The following STARD9 variants were observed in gnomAD, a reference collection of about 807,000 sequenced individuals.
The protein encoded by STARD9 is StAR related lipid transfer domain containing 9, also known as stAR-related lipid transfer protein 9.
A neutral mutation model predicts 399.8 loss-of-function variants in STARD9; 346 were observed. The observed-to-expected ratio is 0.87, with a 90% CI of 0.79 to 0.95. The LOEUF (loss-of-function observed/expected upper bound fraction) is 0.95. Ranked by LOEUF, STARD9 falls within the 40% of genes least tolerant of loss-of-function variation. The pLI is 0.00. For synonymous variants in STARD9, 2,203 were observed against 2,143.5 expected (o/e 1.03, Z -0.77); for missense variants, 5,832 against 5,667.5 (o/e 1.03, Z -0.93).
At position 42,689,098 on chromosome 15, in the gene STARD9, A is replaced by G. The variant is rs541506818; in HGVS notation, c.7520A>G (p.Lys2507Arg). 3.9e-5 allele frequency: 60 copies of G among 1,537,310 alleles called. No homozygotes were observed. The East Asian group carries it at 1.4e-3, about 37-fold the overall frequency. The change falls in exon 23 of 33, where the codon AAG (lysine) becomes AGG (arginine). Residue 2507 changes from lysine (K) to arginine (R), a missense_variant. Physicochemically the swap from Lys to Arg is conservative, Grantham distance 26. Coordinates refer to ENST00000290607, the MANE Select transcript of STARD9 (RefSeq NM_020759.3). ...DSDQASKPRQ[K>R]AEKETEDVGL... ...GACCAAGCCAGCAAGCCAAGGCAGAAGGCAGAGAAGGAGACTGAGGACGTC... is the reference window on the plus strand; with the variant it reads ...GACCAAGCCAGCAAGCCAAGGCAGAGGGCAGAGAAGGAGACTGAGGACGTC...
intron 25 of STARD9, among the ~76,000 whole-genome samples, 152 bp from the exon 26 acceptor site, chr15:42,695,591 G>C (rs978061654): frequency 3.3e-5 from 5 of 152,210 alleles, no homozygotes; most frequent in African/African-American, 7.2e-5. Flanking sequence ...AGGAAGCCAG[G>C]GCATGTGAGG....
At chr15:42,716,285 A>T (rs1440855518) in intron 26 of STARD9, among the ~76,000 whole-genome samples, 1 of 151,964 alleles carries the variant, frequency 6.6e-6, no homozygotes, top group Non-Finnish European at 1.5e-5. Context: ...CATCTTCCAC[A>T]TTTATTACCC....
intron 3 of STARD9, among the ~76,000 whole-genome samples, chr15:42,597,605 C>T (rs1267320176): frequency 1.3e-5 from 2 of 152,012 alleles, no homozygotes; most frequent in Non-Finnish European, 2.9e-5. Flanking sequence ...GGCACGATCT[C>T]GGCTCACTGC....
intron 20 of STARD9, among the ~76,000 whole-genome samples, chr15:42,677,178 C>T (rs890787433): frequency 1.4e-5 from 2 of 145,714 alleles, no homozygotes; most frequent in Non-Finnish European, 3.0e-5. Flanking sequence ...GCAGGAGAAT[C>T]ACTTGAACCC....
At chr15:42,621,308 A>G (rs1189487215) in intron 3 of STARD9, among the ~76,000 whole-genome samples, 1 of 152,142 alleles carries the variant, frequency 6.6e-6, no homozygotes. Flanking sequence ...TATATCTGTG[A>G]TCCATGGTTA....
chr15:42,650,106 G>A (rs768814969), intron 7 of STARD9, among the ~76,000 whole-genome samples: 3 of 151,338 alleles, frequency 2.0e-5, no homozygotes, highest in Admixed American at 1.3e-4. Flanking sequence ...CCTCAGGCCC[G>A]CCCGCCTCGG....
chr15:42,695,709 CAG>C, intron 25 of STARD9, 32 bp from the exon 26 acceptor site: 5 of 1,527,158 alleles, frequency 3.3e-6, no homozygotes, highest in Non-Finnish European at 4.4e-6. Context: ...GAGGGTGCAT[CAG>C]AAGCTGGTTA....
At chr15:42,671,736 T>A (rs1435245193) in intron 16 of STARD9, 2 of 151,934 alleles carry the variant, frequency 1.3e-5, no homozygotes, top group African/African-American at 4.8e-5. Context: ...TACTATGAAT[T>A]GAAGAATAAA....
rs1433972460 is a variant in STARD9, at chr15:42,692,657, G to A, written c.11079G>A (p.Glu3693=). 2.6e-6 allele frequency: 4 copies of A among 1,537,196 alleles called. No homozygotes were observed. The highest frequency in any genetic ancestry group is 3.9e-5 in the Admixed American group (2 of 50,990). Reference sequence around the variant, plus strand: ...CACAGCTCCTGCACAGTACCTCAGAGCTGCTTGGGAGTCTCTCCCAGCCAG... The same window carrying A: ...CACAGCTCCTGCACAGTACCTCAGAACTGCTTGGGAGTCTCTCCCAGCCAG... The part of the protein sequence containing the change: ...HLSQLLHSTS[E]LLGSLSQPDV... Residue 3693 remains glutamate, a synonymous_variant, in exon 23 of 33, where the codon GAG becomes GAA. Transcript: ENST00000290607.
Position 42,687,983 on chromosome 15 carries a change from T to C in STARD9, c.6405T>C (p.Val2135=). 1 of 1,537,476 alleles carries C rather than the reference T, an allele frequency of 6.5e-7. No homozygotes were observed. Among genetic ancestry groups the C allele is most frequent in the Non-Finnish European group, 8.7e-7 (1 of 1,146,958 alleles). Residue 2135 remains valine, a synonymous_variant, in exon 23 of 33, where the codon GTT becomes GTC. Coordinates refer to ENST00000290607, the MANE Select transcript of STARD9 (RefSeq NM_020759.3). The stretch of plus-strand genomic sequence containing the variant: ...ATAGTGAAGCTGGAGCGATGGAGGT[T>C]AACAGCATTGGGAACCATCCCCAGG... ...FRDSEAGAME[V]NSIGNHPQVQ... is the part of the protein sequence containing the mutation.
intron 3 of STARD9, among the ~76,000 whole-genome samples, chr15:42,601,580 C>T (rs1181701149): frequency 3.4e-5 from 5 of 148,724 alleles, no homozygotes; most frequent in South Asian, 2.1e-4. Context: ...CGGGGGCTGC[C>T]CCCCCACCTC....
At chr15:42,605,872 T>G (rs533760916) in intron 3 of STARD9, among the ~76,000 whole-genome samples, 3 of 152,226 alleles carry the variant, frequency 2.0e-5, no homozygotes, top group Non-Finnish European at 4.4e-5. Context: ...TGTGGTGGTG[T>G]TGTGGCGATG....
chr15:42,589,386 G>A (rs2058349777), intron 3 of STARD9, among the ~76,000 whole-genome samples: 1 of 152,014 alleles, frequency 6.6e-6, no homozygotes, highest in Non-Finnish European at 1.5e-5. Flanking sequence ...AACACATTCA[G>A]GTGTGTAACT....
In STARD9 at chr15:42,686,209, TCAA is replaced by T; in HGVS notation, c.4636_4638del (p.Asn1546del). ...CCTAGGGTATCTAGCAATCTGAATC[TCAA>T]CAACTTTCCAGTCCATCTGTCCAGA... On this transcript the variant is annotated inframe_deletion, in exon 23 of 33. Coordinates refer to ENST00000290607, the MANE Select transcript of STARD9 (RefSeq NM_020759.3). The T allele has an allele frequency of 6.5e-7, 1 of 1,537,592 alleles. No individual in the cohort carries two copies. The highest frequency in any genetic ancestry group is 8.7e-7 in the Non-Finnish European group (1 of 1,147,008).
Position 42,615,432 on chromosome 15 carries a change from T to G in STARD9, c.235-19424T>G, listed in dbSNP as rs2058943297. On this transcript the variant is annotated intron_variant, in intron 3 of 32. Transcript: ENST00000290607. ...AGGATGAAATACATTGCATCTTCCT[T>G]GGAAGAATTTCCATGAAATGGTATT... 2.0e-5 allele frequency among the ~76,000 whole-genome samples: 3 copies of G among 152,172 alleles called. No individual in the cohort carries two copies. The South Asian group carries it at 6.2e-4, about 32-fold the overall frequency.
intron 26 of STARD9, among the ~76,000 whole-genome samples, chr15:42,699,640 G>A (rs545543751): frequency 8.6e-5 from 13 of 151,656 alleles, no homozygotes; most frequent in East Asian, 1.9e-4. Context: ...TGATCTGCCC[G>A]CCTTGGCCTC....
chr15:42,691,815 C>G lies in STARD9; in HGVS notation c.10237C>G (p.Leu3413Val). The change falls in exon 23 of 33, where the codon CTC (leucine) becomes GTC (valine). Residue 3413 changes from leucine to valine, a missense_variant. Around this residue, in one of 2 missense-constraint regions of STARD9, gnomAD observed 5,828 missense variants for 5,651.1 expected, o/e 1.03. Transcript: ENST00000290607. ...CCCTCCTTATCCAATGCCTTCCACT[C>G]TCTCACACATGCCAACCCCTGATTT... ...ATPPYPMPSTLSHMPTPDFTT... is the reference protein window; with the variant it reads ...ATPPYPMPSTVSHMPTPDFTT... 1 of 1,537,318 alleles carries G rather than the reference C, an allele frequency of 6.5e-7. No homozygotes were observed.
At chr15:42,609,555 GC>G (rs1244186192) in intron 3 of STARD9, among the ~76,000 whole-genome samples, 1 of 151,264 alleles carries the variant, frequency 6.6e-6, no homozygotes, top group Non-Finnish European at 1.5e-5. Flanking sequence ...TTCTCCTGCT[GC>G]AGCCTCCTGA....
At chr15:42,608,884 G>A (rs1190110498) in intron 3 of STARD9, among the ~76,000 whole-genome samples, 3 of 152,208 alleles carry the variant, frequency 2.0e-5, no homozygotes, top group Admixed American at 6.5e-5. Flanking sequence ...CTCATTTATT[G>A]TGACTATTCT....
Sources: gnomAD v4.1 joint callset for allele counts (sites outside exome capture counted in the v4.1 genomes callset) on GRCh38, gnomAD v4.1.1 for gene constraint, gnomAD v4.1.1 regional missense constraint, MANE v1.5 for transcripts, NCBI Gene and HGNC (gene_info 2026-07-23, HGNC 2026-07-21) for gene names.